Variants in SORBS2 observed in about 807,000 individuals in gnomAD.
SORBS2 encodes sorbin and SH3 domain-containing protein 2.
A neutral mutation model predicts 97.7 loss-of-function variants in SORBS2; 46 were observed. The observed-to-expected ratio is 0.47, with a 90% CI of 0.37 to 0.60. The LOEUF is 0.60. Ranked by LOEUF, SORBS2 falls within the 20% of genes least tolerant of loss-of-function variation. The pLI is 0.00. For synonymous variants in SORBS2, 476 were observed against 473.4 expected, an observed-to-expected ratio of 1.01 and a Z score of -0.07; for missense variants, 1,316 against 1,282.3, an observed-to-expected ratio of 1.03 and a Z score of -0.40.
intron 4 of SORBS2, among the ~76,000 whole-genome samples, chr4:185,636,724 C>T (rs1270364022): frequency 6.6e-6 from 1 of 151,192 alleles, no homozygotes; most frequent in Non-Finnish European, 1.5e-5. Flanking sequence ...TCCCAGCTCA[C>T]TGCAATCTCC....
intron 1 of SORBS2, chr4:185,956,092 G>A (rs2099279401): frequency 6.6e-6 from 1 of 152,206 alleles, no homozygotes; most frequent in South Asian, 2.1e-4. Flanking sequence ...CCTGAGAACA[G>A]GAACAAAGCA....
At chr4:185,800,973 C>A (rs895690724) in intron 1 of SORBS2, among the ~76,000 whole-genome samples, 2 of 152,162 alleles carry the variant, frequency 1.3e-5, no homozygotes, top group Non-Finnish European at 2.9e-5. Context: ...ACTACAGTCA[C>A]CACGCTGCAT....
At chr4:185,762,198 C>T (rs2098898968) in intron 2 of SORBS2, among the ~76,000 whole-genome samples, 1 of 152,156 alleles carries the variant, frequency 6.6e-6, no homozygotes, top group African/African-American at 2.4e-5. Context: ...GAATGCTTGT[C>T]TAAGATTCTA....
intron 12 of SORBS2, among the ~76,000 whole-genome samples, chr4:185,603,439 A>G (rs1462691314): frequency 3.9e-5 from 6 of 152,248 alleles, no homozygotes; most frequent in Non-Finnish European, 7.3e-5. Context: ...CATTTTTTAC[A>G]AAGTTCCTTT....
intron 1 of SORBS2, among the ~76,000 whole-genome samples, chr4:185,804,572 G>A (rs921069158): frequency 1.3e-5 from 2 of 152,082 alleles, no homozygotes; most frequent in South Asian, 2.1e-4. Flanking sequence ...CAATGTAAAC[G>A]TCCTTAAAAG....
intron 6 of SORBS2, 53 bp downstream of exon 18, chr4:185,626,779 C>G: frequency 6.4e-6 from 10 of 1,573,988 alleles, no homozygotes; most frequent in Non-Finnish European, 8.7e-6. Flanking sequence ...ACACAGTGCT[C>G]TAGGCTAAAA....
chr4:185,665,805 T>G (rs1582211138), intron 4 of SORBS2: 1 of 1,102,712 alleles, frequency 9.1e-7, no homozygotes, highest in Non-Finnish European at 1.1e-6. Flanking sequence ...TGGGGGAGGG[T>G]GTCTCAGAAC....
intron 1 of SORBS2, among the ~76,000 whole-genome samples, chr4:185,874,455 G>T (rs916722891): frequency 6.6e-6 from 1 of 152,080 alleles, no homozygotes; most frequent in Non-Finnish European, 1.5e-5. Context: ...GAACAGGCCT[G>T]GTTCAAAAAT....
chr4:185,651,039 C>A (rs1326893227), intron 2 of SORBS2, among the ~76,000 whole-genome samples: 1 of 152,064 alleles, frequency 6.6e-6, no homozygotes, highest in East Asian at 1.9e-4. Context: ...GGGAGGGGAG[C>A]AGTGCCAGCC....
chr4:185,823,227 A>G lies in SORBS2; in HGVS notation c.-337-47861T>C, dbSNP rs546770034. The stretch of plus-strand genomic sequence containing the variant: ...GAAGTCCTCAAAATCATCTTTGGAG[A>G]AAGGCATGTCTCTCAGGCATGTCCT... On this transcript the variant is annotated intron_variant, in intron 1 of 20. Transcript: ENST00000284776. Among the ~76,000 whole-genome samples, 5 of 152,292 alleles carry G rather than the reference A, an allele frequency of 3.3e-5. No homozygotes were observed. In the South Asian group the frequency reaches 1.0e-3, roughly 32 times the overall value.
chr4:185,699,304 T>TTTTTG (rs2098224626), intron 2 of SORBS2, among the ~76,000 whole-genome samples: 1 of 142,854 alleles, frequency 7.0e-6, no homozygotes, highest in Non-Finnish European at 1.5e-5. Context: ...TTTTTTTTTT[T>TTTTTG]GAGACAGAGT....
intron 1 of SORBS2, among the ~76,000 whole-genome samples, chr4:185,909,009 T>G (rs1202597186): frequency 6.6e-6 from 1 of 151,910 alleles, no homozygotes. Flanking sequence ...AAAAATAAAT[T>G]TGGTATATTT....
rs558631363 is a variant in SORBS2, at chr4:185,823,653, T to C, written c.-337-48287A>G. Among the ~76,000 whole-genome samples the C allele has an allele frequency of 2.0e-5, 3 of 152,180 alleles. No homozygotes were observed. The South Asian group carries it at 6.2e-4, about 32-fold the overall frequency. ...AAGCTTTGATGAATATTAAAAAAAA[T>C]TCAGTGAGAAGATGGAGACTTGTTT... On this transcript the variant is annotated intron_variant, in intron 1 of 20. Coordinates refer to the SORBS2 transcript ENST00000284776.
chr4:185,809,528 A>T (rs1566346), intron 1 of SORBS2, among the ~76,000 whole-genome samples: 1 of 148,888 alleles, frequency 6.7e-6, no homozygotes, highest in Non-Finnish European at 1.5e-5. Flanking sequence ...TGATATTGCC[A>T]GCAGAAGAGT....
chr4:185,787,347 A>G (rs1159717756), intron 1 of SORBS2, among the ~76,000 whole-genome samples: 1 of 152,210 alleles, frequency 6.6e-6, no homozygotes, highest in Non-Finnish European at 1.5e-5. Flanking sequence ...TGGCGTGGAC[A>G]AACTGAACTG....
intron 1 of SORBS2, among the ~76,000 whole-genome samples, chr4:185,929,836 A>G (rs955374505): frequency 5.9e-5 from 9 of 152,106 alleles, no homozygotes; most frequent in African/African-American, 2.2e-4. Context: ...GCCTGGCCGC[A>G]AAGAGATTTT....
In SORBS2 at chr4:185,683,469, C is replaced by T. The variant is rs2097904714; in HGVS notation, c.-197-4647G>A. ...ATTCCAATTACACGATGGCCCTGAA[C>T]TCTTACGGTTATTGTCTTACTTGCC... On this transcript the variant is annotated intron_variant, in intron 2 of 20. Transcript: ENST00000284776. Among the ~76,000 whole-genome samples the T allele has an allele frequency of 2.0e-5, 3 of 152,174 alleles. No individual in the cohort carries two copies. The South Asian group carries it at 6.2e-4, about 31-fold the overall frequency.
intron 1 of SORBS2, among the ~76,000 whole-genome samples, chr4:185,858,248 C>A (rs957309372): frequency 1.3e-5 from 2 of 152,122 alleles, no homozygotes; most frequent in Non-Finnish European, 2.9e-5. Context: ...CAGTAGTTGG[C>A]TTTATAGGAA....
intron 1 of SORBS2, among the ~76,000 whole-genome samples, chr4:185,868,147 C>CTTCTTTTT: frequency 1.1e-5 from 1 of 89,804 alleles, no homozygotes; most frequent in African/African-American, 4.8e-5. Context: ...CTTTTCTTTT[C>CTTCTTTTT]TTTTTTTCTT....
Sources: allele counts gnomAD v4.1 joint callset (sites outside exome capture counted in the v4.1 genomes callset), GRCh38; gene constraint gnomAD v4.1.1; transcripts MANE v1.5; gene names NCBI Gene and HGNC (gene_info 2026-07-23, HGNC 2026-07-21).